The following CEP112 variants were observed in gnomAD, a reference collection of about 807,000 sequenced individuals.
CEP112 encodes centrosomal protein of 112 kDa.
CEP112 carries 127 observed loss-of-function variants against 153.0 expected under a neutral mutation model. The ratio of observed to expected loss-of-function variants is 0.83; its 90% CI spans 0.72 to 0.96. The LOEUF is 0.96. Ranked by LOEUF, CEP112 falls within the 40% of genes least tolerant of loss-of-function variation. The pLI is 0.00. For synonymous variants in CEP112, 358 were observed against 374.4 expected (o/e 0.96, Z 0.51); for missense variants, 1,089 against 1,101.2 (o/e 0.99, Z 0.16).
chr17:65,969,997 ACAT>A lies in CEP112; in HGVS notation c.1737-8402_1737-8400del, dbSNP rs543648965. On this transcript the variant is annotated intron_variant, in intron 17 of 26. Coordinates refer to ENST00000535342, the MANE Select transcript of CEP112 (RefSeq NM_001199165.4). ...CATGCATATCACACGCATGTTACAC[ACAT>A]ATCACATGTGTATTGCGAACATGCA... Among the ~76,000 whole-genome samples the A allele has an allele frequency of 1.1e-3, 163 of 152,344 alleles. 1 individual carries two copies. Among genetic ancestry groups the A allele is most frequent in the African/African-American group, 3.7e-3 (154 of 41,584 alleles).
chr17:65,762,851 G>A (rs1219310975), intron 21 of CEP112, among the ~76,000 whole-genome samples: 1 of 151,714 alleles, frequency 6.6e-6, no homozygotes, highest in Non-Finnish European at 1.5e-5. Flanking sequence ...ACTGCTGTTA[G>A]GTCAATTATG....
intron 22 of CEP112, among the ~76,000 whole-genome samples, chr17:65,744,496 T>C (rs1042887977): frequency 2.6e-5 from 4 of 151,434 alleles, no homozygotes; most frequent in African/African-American, 4.9e-5. Context: ...CTGCCCGCCT[T>C]GGCCTCCCAA....
chr17:65,861,802 C>T (rs533890739), intron 20 of CEP112, among the ~76,000 whole-genome samples: 3 of 152,216 alleles, frequency 2.0e-5, no homozygotes, highest in South Asian at 2.1e-4. Flanking sequence ...TTGGGTGTAA[C>T]GTGATAAAAC....
At chr17:65,778,501 T>G (rs1833348) in intron 21 of CEP112, among the ~76,000 whole-genome samples, 49,097 of 152,078 alleles carry the variant, frequency 0.32, 9,690 homozygotes, top group Middle Eastern at 0.45. Flanking sequence ...TTTGAAAATG[T>G]GTCTTCTTTC....
chr17:66,112,019 G>A (rs184097344), intron 6 of CEP112, among the ~76,000 whole-genome samples: 12 of 152,234 alleles, frequency 7.9e-5, no homozygotes, highest in South Asian at 2.1e-4. Flanking sequence ...GGCCGGGTGC[G>A]GTGGCTCACA....
intron 14 of CEP112, among the ~76,000 whole-genome samples, chr17:66,028,741 A>G (rs2065332071): frequency 6.6e-6 from 1 of 151,926 alleles, no homozygotes; most frequent in Non-Finnish European, 1.5e-5. Flanking sequence ...CTTTACAGAA[A>G]ACTTCAAAAT....
chr17:66,121,237 T>C (rs2069569560), intron 6 of CEP112, among the ~76,000 whole-genome samples: 1 of 151,932 alleles, frequency 6.6e-6, no homozygotes, highest in African/African-American at 2.4e-5. Context: ...GATCGTGCCA[T>C]TGCACTCTAG....
At chr17:65,748,579 T>TG (rs1338262539) in intron 22 of CEP112, among the ~76,000 whole-genome samples, 1 of 152,224 alleles carries the variant, frequency 6.6e-6, no homozygotes, top group Non-Finnish European at 1.5e-5. Context: ...ATTCGTTAAG[T>TG]GCTTTAGTGT....
At chr17:65,753,820 G>T (rs1256268233) in intron 21 of CEP112, among the ~76,000 whole-genome samples, 1 of 152,082 alleles carries the variant, frequency 6.6e-6, no homozygotes, top group Non-Finnish European at 1.5e-5. Flanking sequence ...ATAAAGATGA[G>T]GTTACTTTTC....
chr17:65,689,264 G>T, intron 23 of CEP112, 46 bp from the exon 24 acceptor site: 1 of 1,382,654 alleles, frequency 7.2e-7, no homozygotes, highest in Non-Finnish European at 1.0e-6. Context: ...TAGCACACTT[G>T]GAAAAATAGT....
Position 66,005,699 on chromosome 17 carries a change from T to A in CEP112, c.1727A>T (p.Glu576Val). The change falls in exon 17 of 27, where the codon GAA becomes GTA. Residue 576 changes from glutamate to valine, a missense_variant. Transcript: ENST00000535342. ...TTACAATTTTACTCACTTCAAAGCT[T>A]CCTCAAATTTATGAATTTTCTTTTG... ...DTQKKIHKFE[E>V]ALKEKEEQLT... The A allele has an allele frequency of 6.2e-7, 1 of 1,609,532 alleles. No individual in the cohort carries two copies. Among genetic ancestry groups the A allele is most frequent in the Admixed American group, 1.7e-5 (1 of 59,252 alleles).
intron 21 of CEP112, among the ~76,000 whole-genome samples, chr17:65,811,593 C>T (rs545350136): frequency 3.3e-4 from 51 of 152,252 alleles, no homozygotes; most frequent in African/African-American, 1.1e-3. Flanking sequence ...CATTCATGGG[C>T]TAATCCATCC....
intron 24 of CEP112, among the ~76,000 whole-genome samples, chr17:65,645,817 CT>C (rs1418425624): frequency 6.6e-6 from 1 of 152,126 alleles, no homozygotes; most frequent in Non-Finnish European, 1.5e-5. Flanking sequence ...ATGCTAGTTC[CT>C]TTTTCTAAAA....
At chr17:65,714,568 C>A (rs1333512469) in intron 23 of CEP112, among the ~76,000 whole-genome samples, 1 of 152,174 alleles carries the variant, frequency 6.6e-6, no homozygotes, top group Non-Finnish European at 1.5e-5. Context: ...CTAAAAATTA[C>A]ATGACTTTGC....
intron 9 of CEP112, among the ~76,000 whole-genome samples, chr17:66,068,944 C>CA (rs1182830933): frequency 3.3e-5 from 5 of 150,960 alleles, no homozygotes; most frequent in Middle Eastern, 3.4e-3. Flanking sequence ...CTAGTAAGAG[C>CA]AAAAAAAATT....
chr17:65,771,792 A>G (rs765209789), intron 21 of CEP112, among the ~76,000 whole-genome samples: 8 of 152,194 alleles, frequency 5.3e-5, no homozygotes, highest in Non-Finnish European at 8.8e-5. Context: ...AGGCAGGAGA[A>G]TTGCTTGAGG....
At chr17:65,937,627 G>GC (rs1396659933) in intron 18 of CEP112, among the ~76,000 whole-genome samples, 1 of 94,186 alleles carries the variant, frequency 1.1e-5, no homozygotes, top group Non-Finnish European at 2.1e-5. Context: ...GGGGGGGTCA[G>GC]CCCCCCGCCC....
chr17:66,026,361 G>A (rs1482425683), intron 16 of CEP112, among the ~76,000 whole-genome samples: 1 of 152,132 alleles, frequency 6.6e-6, no homozygotes, highest in African/African-American at 2.4e-5. Flanking sequence ...AGTTATTACA[G>A]GAGGGATATC....
At chr17:65,822,243 T>C (rs1387992940) in intron 21 of CEP112, among the ~76,000 whole-genome samples, 1 of 151,998 alleles carries the variant, frequency 6.6e-6, no homozygotes, top group Non-Finnish European at 1.5e-5. Flanking sequence ...TGGTTTATAT[T>C]GTTGTTATAA....
Sources: allele counts gnomAD v4.1 joint callset (sites outside exome capture counted in the v4.1 genomes callset), GRCh38; gene constraint gnomAD v4.1.1; transcripts MANE v1.5; gene names NCBI Gene and HGNC (gene_info 2026-07-23, HGNC 2026-07-21).